NEURL3: variants seen among roughly 807,000 people sequenced by gnomAD.
NEURL3 encodes the protein E3 ubiquitin-protein ligase NEURL3.
Under a neutral mutation model 17.6 loss-of-function variants are expected in NEURL3, and 19 were observed. The observed-to-expected ratio is 1.08, with a 90% CI of 0.75 to 1.58. NEURL3 has a LOEUF of 1.58. Ranked by LOEUF, NEURL3 falls within the 40% of genes most tolerant of loss-of-function variation. The pLI is 0.00. For synonymous variants in NEURL3, 180 were observed against 161.4 expected (o/e 1.11, Z -0.87); for missense variants, 342 against 379.6 (o/e 0.90, Z 0.82).
chr2:96,498,758 T>C lies in NEURL3; in HGVS notation c.587-312A>G, dbSNP rs994427594. Among the ~76,000 whole-genome samples, 5 of 152,088 alleles carry C rather than the reference T, an allele frequency of 3.3e-5. No homozygotes were observed. Among genetic ancestry groups the C allele is most frequent in the Non-Finnish European group, 5.9e-5 (4 of 68,024 alleles). On this transcript the variant is annotated intron_variant, in intron 3 of 3. Transcript: ENST00000451794. The surrounding 1 kb of genome is among the most constrained non-coding windows in gnomAD (Gnocchi z 4.4). ...CCAAGAGGTAATGGGTGCTTTTTTT[T>C]TAACTTTCCTCTTTATCCTTTAATC...
rs904485304 is a variant in NEURL3 at position 96,498,072 on chromosome 2, A to G, written c.*172T>C. ...TTTCCTTGCTATCCTGTTGGGGAACAGGTGGAGGCAGCAGACAGCACCTCC... is the reference window on the plus strand; with the variant it reads ...TTTCCTTGCTATCCTGTTGGGGAACGGGTGGAGGCAGCAGACAGCACCTCC... On this transcript the variant is annotated 3_prime_UTR_variant, in exon 4 of 4. Coordinates refer to ENST00000451794, the MANE Select transcript of NEURL3 (RefSeq NM_001285485.2). This position sits in a 1 kb window ranked among gnomAD's most constrained non-coding sequence, Gnocchi z 4.4. 1.7e-4 allele frequency: 106 copies of G among 632,432 alleles called. No homozygotes were observed. In the African/African-American group the frequency reaches 1.8e-3, roughly 11 times the overall value. 39.2% of individuals were successfully genotyped at this position (632,432 alleles called of 1,614,324 possible).
At position 96,502,634 on chromosome 2, in the gene NEURL3, G is replaced by A. The variant is rs2065520975; in HGVS notation, c.29-1710C>T. 1.3e-5 allele frequency among the ~76,000 whole-genome samples: 2 copies of A among 152,282 alleles called. 1 individual carries two copies. The highest frequency in any genetic ancestry group is 4.1e-4 in the South Asian group (2 of 4,838). On this transcript the variant is annotated intron_variant, in intron 1 of 3. Coordinates refer to ENST00000451794, the MANE Select transcript of NEURL3 (RefSeq NM_001285485.2). ...CTTGGCACAACCAGCCACAATCTAG[G>A]AGGGCAGAGGCCAGCCCTTTGGCTG...
chr2:96,500,836 G>A lies in NEURL3; in HGVS notation c.117C>T (p.His39=). The A allele has an allele frequency of 6.5e-7, 1 of 1,531,578 alleles. No individual in the cohort carries two copies. The highest frequency in any genetic ancestry group is 8.7e-7 in the Non-Finnish European group (1 of 1,145,218). The allele number at this position is 1,531,578 out of a possible 1,614,324, so 94.9% of individuals were successfully genotyped here. The stretch of plus-strand genomic sequence containing the variant: ...TGCCGTCGTGGAACGTGGTGCGCCT[G>A]TGCGCGATGCAGCCACGCGTGTCCA... ...VRLDTRGCIA[H]RRTTFHDGIV... is the part of the protein sequence containing the mutation. Residue 39 remains histidine (H), a synonymous_variant, in exon 2 of 4, where the codon CAC becomes CAT. Coordinates refer to ENST00000451794, the MANE Select transcript of NEURL3 (RefSeq NM_001285485.2).
Position 96,500,783 on chromosome 2 carries a change from A to T in NEURL3, c.170T>A (p.Leu57Gln). ...GIVFSQRPVRLGERVALRVLR... is the reference protein window; with the variant it reads ...GIVFSQRPVRQGERVALRVLR... ...CACTCGCAGCGCCACACGCTCGCCC[A>T]GGCGCACCGGCCGCTGGCTGAACAC... Residue 57 changes from leucine to glutamine, a missense_variant, in exon 2 of 4, where the codon CTG (leucine) becomes CAG (glutamine). Physicochemically the swap from Leu to Gln is moderately radical, Grantham distance 113. Transcript: ENST00000451794. 1 of 1,526,374 alleles carries T rather than the reference A, an allele frequency of 6.6e-7. No homozygotes were observed. Among genetic ancestry groups the T allele is most frequent in the Non-Finnish European group, 8.8e-7 (1 of 1,142,310 alleles). 94.6% of individuals were successfully genotyped at this position (1,526,374 alleles called of 1,614,324 possible).
intron 1 of NEURL3, 102 bp from the exon 2 acceptor site, chr2:96,501,026 C>T: frequency 7.4e-7 from 1 of 1,351,472 alleles, no homozygotes; most frequent in South Asian, 1.6e-5. Context: ...CTGGGAGCAC[C>T]TTGACCTTCC....
chr2:96,498,693 C>T lies in NEURL3; in HGVS notation c.587-247G>A, dbSNP rs891760198. Reference sequence around the variant, plus strand: ...GCACAGACAAGTCCCTATATACACACGTCTATATCGATGACCGAAAATACT... The same window carrying T: ...GCACAGACAAGTCCCTATATACACATGTCTATATCGATGACCGAAAATACT... On this transcript the variant is annotated intron_variant, in intron 3 of 3. Transcript: ENST00000451794. This position sits in a 1 kb window ranked among gnomAD's most constrained non-coding sequence, Gnocchi z 4.4. 4.6e-5 allele frequency among the ~76,000 whole-genome samples: 7 copies of T among 152,164 alleles called. No individual in the cohort carries two copies. In the East Asian group the frequency reaches 7.7e-4, roughly 17 times the overall value.
chr2:96,503,847 C>T (rs2065534338), intron 1 of NEURL3, among the ~76,000 whole-genome samples: 1 of 152,234 alleles, frequency 6.6e-6, no homozygotes, highest in Non-Finnish European at 1.5e-5. Context: ...TGTGGCTCTC[C>T]AAGCAGACCT....
intron 3 of NEURL3, 59 bp downstream of exon 3, chr2:96,499,319 C>T (rs1278158771): frequency 6.3e-7 from 1 of 1,588,374 alleles, no homozygotes; most frequent in Non-Finnish European, 8.5e-7. Context: ...TGGGGCTTCT[C>T]CCTCCACTCC....
At chr2:96,502,584 G>T (rs1414262439) in intron 1 of NEURL3, among the ~76,000 whole-genome samples, 2 of 152,250 alleles carry the variant, frequency 1.3e-5, no homozygotes, top group African/African-American at 4.8e-5. Flanking sequence ...GCATGGGGCT[G>T]GGGGTGACAG....
In NEURL3 at chr2:96,500,682, G is replaced by A; in HGVS notation, c.271C>T (p.Pro91Ser). 6.6e-7 allele frequency: 1 copy of A among 1,517,738 alleles called. No homozygotes were observed. Among genetic ancestry groups the A allele is most frequent in the African/African-American group, 1.4e-5 (1 of 71,554 alleles). 94.0% of individuals were successfully genotyped at this position (1,517,738 alleles called of 1,614,324 possible). The change falls in exon 2 of 4, where the codon CCC becomes TCC. Residue 91 changes from proline (P) to serine (S), a missense_variant. Coordinates refer to ENST00000451794, the MANE Select transcript of NEURL3 (RefSeq NM_001285485.2). ...TRLDPACVSV[P>S]SLPPFLCPDL... ...GGGCACAGGAAGGGCGGCAGGCTGG[G>A]CACGGACACGCACGCGGGGTCCAGG...
chr2:96,504,240 C>G (rs1281682525), intron 1 of NEURL3, among the ~76,000 whole-genome samples: 2 of 151,094 alleles, frequency 1.3e-5, no homozygotes, highest in Non-Finnish European at 3.0e-5. Flanking sequence ...GTCAGGCACC[C>G]ATAAGCACTT....
intron 2 of NEURL3, among the ~76,000 whole-genome samples, 196 bp from the exon 3 acceptor site, chr2:96,499,645 T>C (rs1438768542): frequency 6.6e-6 from 1 of 152,166 alleles, no homozygotes; most frequent in Non-Finnish European, 1.5e-5. Context: ...CGAGAATCCT[T>C]GGGGCTGGAG....
chr2:96,501,213 GTTTGT>G (rs773630022), intron 1 of NEURL3, among the ~76,000 whole-genome samples: 85 of 152,152 alleles, frequency 5.6e-4, no homozygotes, highest in African/African-American at 1.1e-3. Context: ...CGGTTTTTTT[GTTTGT>G]TTTGTTTTGT....
At chr2:96,504,459 A>G (rs191511767) in intron 1 of NEURL3, 5 of 152,324 alleles carry the variant, frequency 3.3e-5, no homozygotes, top group Admixed American at 6.5e-5. Flanking sequence ...GGCACAGCCA[A>G]CTACTAGTCT....
Position 96,504,390 on chromosome 2 carries a change from C to T in NEURL3, c.28+869G>A, listed in dbSNP as rs2065541144. 2 of 152,360 alleles carry T rather than the reference C, an allele frequency of 1.3e-5. 1 individual carries two copies. The highest frequency in any genetic ancestry group is 4.1e-4 in the South Asian group (2 of 4,832). The allele number at this position is 152,360 out of a possible 1,614,324, so 9.4% of individuals were successfully genotyped here. A position where few individuals can be genotyped will look rare whatever the true frequency, so the allele number is the denominator to read the frequency against. Reference sequence around the variant, plus strand: ...GGCTGCTTCACTCTCATGCCACCTCCTTTAAGGCCCATCATTTCCCTGCCA... The same window carrying T: ...GGCTGCTTCACTCTCATGCCACCTCTTTTAAGGCCCATCATTTCCCTGCCA... On this transcript the variant is annotated intron_variant, in intron 1 of 3. Transcript: ENST00000451794.
In NEURL3 at chr2:96,502,190, C is replaced by T. The variant is rs189758288; in HGVS notation, c.29-1266G>A. ...CCGCATTCACCCCTCGCCTGCGCCCCGCCCGTGCCTTCCCATGATGCACTC... is the reference window on the plus strand; with the variant it reads ...CCGCATTCACCCCTCGCCTGCGCCCTGCCCGTGCCTTCCCATGATGCACTC... On this transcript the variant is annotated intron_variant, in intron 1 of 3. Coordinates refer to ENST00000451794, the MANE Select transcript of NEURL3 (RefSeq NM_001285485.2). 2.0e-3 allele frequency among the ~76,000 whole-genome samples: 308 copies of T among 152,326 alleles called. 2 individuals carry two copies. Among genetic ancestry groups the T allele is most frequent in the African/African-American group, 7.1e-3 (296 of 41,576 alleles).
At chr2:96,499,015 C>T (rs1259004198) in intron 3 of NEURL3, among the ~76,000 whole-genome samples, 5 of 152,144 alleles carry the variant, frequency 3.3e-5, no homozygotes, top group African/African-American at 1.2e-4. Flanking sequence ...TGGGCCCAAG[C>T]GATCCTCCTG....
rs1156325058 is a variant in NEURL3 at position 96,498,913 on chromosome 2, G to C, written c.586+465C>G. Among the ~76,000 whole-genome samples, 1 of 152,102 alleles carries C rather than the reference G, an allele frequency of 6.6e-6. No homozygotes were observed. Among genetic ancestry groups the C allele is most frequent in the East Asian group, 1.9e-4 (1 of 5,200 alleles). ...CCACCTCAGCCTCCCGAGTAGCTGGGGCCACAGACATGCACCACCACACTC... is the reference window on the plus strand; with the variant it reads ...CCACCTCAGCCTCCCGAGTAGCTGGCGCCACAGACATGCACCACCACACTC... On this transcript the variant is annotated intron_variant, in intron 3 of 3. Transcript: ENST00000451794. This position sits in a 1 kb window ranked among gnomAD's most constrained non-coding sequence, Gnocchi z 4.4.
chr2:96,500,909 CGGGGCGCCT>C lies in NEURL3; in HGVS notation c.35_43del (p.Lys12_Pro14del). ...CTCGGCATGGAAGCGAAGTGCCTCT[CGGGGCGCCT>C]TGGCGTCTGTGGGTTGAGGATGGGG... On this transcript the variant is annotated inframe_deletion, in exon 2 of 4. Coordinates refer to ENST00000451794, the MANE Select transcript of NEURL3 (RefSeq NM_001285485.2). The C allele has an allele frequency of 6.4e-7, 1 of 1,565,288 alleles. No homozygotes were observed. The highest frequency in any genetic ancestry group is 2.3e-5 in the East Asian group (1 of 42,724).
Sources: allele counts gnomAD v4.1 joint callset (sites outside exome capture counted in the v4.1 genomes callset), GRCh38; gene constraint gnomAD v4.1.1; non-coding constraint Gnocchi (gnomAD v3.1); transcripts MANE v1.5; gene names NCBI Gene and HGNC (gene_info 2026-07-23, HGNC 2026-07-21).